The following EPB41L5 variants were observed in gnomAD, a reference collection of about 807,000 sequenced individuals.
EPB41L5 encodes band 4.1-like protein 5.
In EPB41L5, 55 loss-of-function variants were observed where a neutral mutation model predicts 106.6. The observed-to-expected ratio is 0.52, with a 90% confidence interval of 0.42 to 0.65. EPB41L5 has a LOEUF of 0.65. Ranked by LOEUF, EPB41L5 falls within the 30% of genes least tolerant of loss-of-function variation. The pLI is 0.00. For missense variants in EPB41L5, 871 were observed against 882.1 expected (o/e 0.99, Z 0.16); for synonymous variants, 297 against 306.7 (o/e 0.97, Z 0.33).
At chr2:120,080,337 G>T (rs2678344) in intron 10 of EPB41L5, among the ~76,000 whole-genome samples, 151,660 of 152,020 alleles carry the variant, frequency 1, 75,652 homozygotes, top group Middle Eastern at 1. Flanking sequence ...AGTTCCCACC[G>T]ACGACTGAGA....
At chr2:120,088,068 G>C (rs1194357425) in intron 11 of EPB41L5, among the ~76,000 whole-genome samples, 2 of 152,152 alleles carry the variant, frequency 1.3e-5, no homozygotes, top group Non-Finnish European at 2.9e-5. Flanking sequence ...AAAGCAGTTT[G>C]AGCAAAATGT....
At chr2:120,161,224 A>G (rs1263794458) in intron 21 of EPB41L5, among the ~76,000 whole-genome samples, 2 of 152,094 alleles carry the variant, frequency 1.3e-5, no homozygotes, top group East Asian at 1.9e-4. Context: ...CAATAATACA[A>G]AAAATAAGCT....
At chr2:120,097,718 A>C (rs186543157) in intron 14 of EPB41L5, among the ~76,000 whole-genome samples, 163 of 152,358 alleles carry the variant, frequency 1.1e-3, no homozygotes, top group African/African-American at 3.5e-3. Flanking sequence ...AAAAATGGTC[A>C]GTTATTGTAT....
intron 3 of EPB41L5, among the ~76,000 whole-genome samples, chr2:120,046,370 C>T (rs1679775785): frequency 2.6e-5 from 4 of 152,142 alleles, no homozygotes; most frequent in Non-Finnish European, 5.9e-5. Flanking sequence ...GAGATGGTAT[C>T]TCATTGTGGT....
Position 120,059,640 on chromosome 2 carries a change from C to T in EPB41L5, c.286-13538C>T, listed in dbSNP as rs146295867. ...ATGCCTAGCTGGGCGCAGTGGCTCA[C>T]GCCTCTAATCTCATCACTTTGGGAG... On this transcript the variant is annotated intron_variant, in intron 3 of 24. Transcript: ENST00000263713. Among the ~76,000 whole-genome samples, 6 of 152,254 alleles carry T rather than the reference C, an allele frequency of 3.9e-5. No individual in the cohort carries two copies. The East Asian group carries it at 5.8e-4, about 15-fold the overall frequency.
rs1391489487 is a variant in EPB41L5, at chr2:120,087,152, T to C, written c.804-19T>C. On this transcript the variant is annotated intron_variant, in intron 10 of 24. Transcript: ENST00000263713. ...ACATTTGTTTGTAATTTGGCTTTTA[T>C]TCTCTTATTATATTATAGGCCGAAG... 1 of 1,465,998 alleles carries C rather than the reference T, an allele frequency of 6.8e-7. No individual in the cohort carries two copies. Among genetic ancestry groups the C allele is most frequent in the Non-Finnish European group, 9.4e-7 (1 of 1,063,600 alleles). 90.8% of individuals were successfully genotyped at this position (1,465,998 alleles called of 1,614,324 possible).
intron 3 of EPB41L5, among the ~76,000 whole-genome samples, chr2:120,067,936 C>T (rs1348257751): frequency 6.6e-6 from 1 of 152,120 alleles, no homozygotes; most frequent in Non-Finnish European, 1.5e-5. Context: ...GCATGTCATC[C>T]TTGTTACTGA....
intron 1 of EPB41L5, chr2:120,013,477 G>A (rs922120850): frequency 3.3e-5 from 5 of 152,224 alleles, no homozygotes; most frequent in African/African-American, 1.2e-4. Context: ...AGGGCCCGGG[G>A]CAGCCGGGTT....
At chr2:120,048,585 C>G (rs547058121) in intron 3 of EPB41L5, among the ~76,000 whole-genome samples, 5 of 151,270 alleles carry the variant, frequency 3.3e-5, no homozygotes, top group Non-Finnish European at 7.4e-5. Flanking sequence ...TTTTGTTGAT[C>G]TTTTAAAAAA....
At chr2:120,074,327 G>A (rs1041702870) in intron 5 of EPB41L5, 149 bp downstream of exon 5, 4 of 598,048 alleles carry the variant, frequency 6.7e-6, no homozygotes, top group African/African-American at 3.8e-5. Flanking sequence ...ATTCTGGGAC[G>A]TGTTTTTTAA....
intron 3 of EPB41L5, among the ~76,000 whole-genome samples, chr2:120,057,368 T>A (rs766280290): frequency 1.1e-4 from 17 of 152,230 alleles, no homozygotes; most frequent in Non-Finnish European, 2.4e-4. Flanking sequence ...TGTAATTTAA[T>A]ATCCTTTTAT....
intron 3 of EPB41L5, among the ~76,000 whole-genome samples, chr2:120,044,009 G>A (rs1679603069): frequency 6.6e-6 from 1 of 151,810 alleles, no homozygotes; most frequent in African/African-American, 2.4e-5. Context: ...AGCTAGGCAT[G>A]GTGGTGCATG....
At chr2:120,120,622 T>C (rs1195479376) in intron 16 of EPB41L5, among the ~76,000 whole-genome samples, 1 of 151,660 alleles carries the variant, frequency 6.6e-6, no homozygotes, top group African/African-American at 2.4e-5. Context: ...TTAATAAAAT[T>C]AGTATAAAGA....
intron 3 of EPB41L5, among the ~76,000 whole-genome samples, chr2:120,046,772 C>G (rs1253181209): frequency 6.6e-6 from 1 of 152,068 alleles, no homozygotes; most frequent in Non-Finnish European, 1.5e-5. Flanking sequence ...AGGTTTTCTT[C>G]TAGGGTTTTT....
intron 17 of EPB41L5, among the ~76,000 whole-genome samples, chr2:120,129,403 T>C (rs1685602442): frequency 6.6e-6 from 1 of 151,860 alleles, no homozygotes; most frequent in Non-Finnish European, 1.5e-5. Context: ...CTAGAAAGAA[T>C]TGAGACCATA....
At chr2:120,059,109 A>G (rs910470752) in intron 3 of EPB41L5, among the ~76,000 whole-genome samples, 3 of 152,230 alleles carry the variant, frequency 2.0e-5, no homozygotes, top group Non-Finnish European at 4.4e-5. Flanking sequence ...AGCGACAGAC[A>G]TGTAGATCAA....
At chr2:120,152,722 A>G (rs975612759) in intron 20 of EPB41L5, among the ~76,000 whole-genome samples, 12 of 152,234 alleles carry the variant, frequency 7.9e-5, no homozygotes, top group Admixed American at 6.5e-4. Context: ...CAGTGAAGCT[A>G]TGGTCCTGGG....
intron 2 of EPB41L5, among the ~76,000 whole-genome samples, chr2:120,038,643 A>G (rs374084724): frequency 1.2e-4 from 19 of 152,200 alleles, no homozygotes; most frequent in African/African-American, 4.6e-4. Context: ...AGTCCCAGCT[A>G]CTTGGAAGGC....
chr2:120,151,069 TC>T (rs933158355), intron 20 of EPB41L5, among the ~76,000 whole-genome samples: 9 of 152,100 alleles, frequency 5.9e-5, no homozygotes, highest in African/African-American at 2.2e-4. Flanking sequence ...ATGCCTGTAA[TC>T]CAGGCTGATG....
Sources: allele counts gnomAD v4.1 joint callset (sites outside exome capture counted in the v4.1 genomes callset), GRCh38; gene constraint gnomAD v4.1.1; transcripts MANE v1.5; gene names NCBI Gene and HGNC (gene_info 2026-07-23, HGNC 2026-07-21).